MTBP: variants seen among roughly 807,000 people sequenced by gnomAD.
The protein encoded by MTBP is mdm2-binding protein.
Under a neutral mutation model 117.0 loss-of-function variants are expected in MTBP, and 101 were observed. The ratio of observed to expected loss-of-function variants is 0.86; its 90% confidence interval spans 0.73 to 1.02. MTBP has a LOEUF of 1.02. MTBP is among the 50% of genes least tolerant of loss of function. The probability of loss-of-function intolerance (pLI) is 0.00; values close to 1 mark genes in which losing one functional copy is unlikely to be tolerated. For synonymous variants in MTBP, 350 were observed against 351.5 expected (o/e 1.00, Z 0.05); for missense variants, 970 against 1,030.9 (o/e 0.94, Z 0.81).
intron 11 of MTBP, among the ~76,000 whole-genome samples, chr8:120,482,406 T>C (rs952223377): frequency 5.3e-5 from 8 of 152,204 alleles, no homozygotes; most frequent in African/African-American, 1.9e-4. Flanking sequence ...AGTAGCTTTT[T>C]GTTATTCGGT....
chr8:120,471,854 G>T (rs1813823191), intron 11 of MTBP: 1 of 152,032 alleles, frequency 6.6e-6, no homozygotes, highest in Non-Finnish European at 1.5e-5. Context: ...TTTCCACTCT[G>T]TTCCTCTAGT....
In MTBP at chr8:120,453,883, G is replaced by A. The variant is rs147445942; in HGVS notation, c.462G>A (p.Leu154=). 2.8e-4 allele frequency: 440 copies of A among 1,579,926 alleles called. 5 individuals are homozygous for A. In the African/African-American group the frequency reaches 4.9e-3, roughly 18 times the overall value. ...YEEAAENLHQ[L]SDKLPAPGRA... ...AAGCTGCAGAAAATTTGCATCAGCT[G>A]TCAGACAAGCTTCCTGCTCCTGGTA... Residue 154 remains leucine, a synonymous_variant, in exon 5 of 22, where the codon CTG becomes CTA. Transcript: ENST00000305949.
At chr8:120,459,425 T>A in intron 8 of MTBP, 76 bp downstream of exon 8, 1 of 1,366,418 alleles carries the variant, frequency 7.3e-7, no homozygotes, top group South Asian at 1.4e-5. Flanking sequence ...AATCTTGACT[T>A]AATATTACTA....
chr8:120,482,823 C>A (rs1274893157), intron 11 of MTBP, among the ~76,000 whole-genome samples: 1 of 151,882 alleles, frequency 6.6e-6, no homozygotes, highest in Non-Finnish European at 1.5e-5. Flanking sequence ...CCTCAGCCTC[C>A]CGAGTAGCTA....
intron 17 of MTBP, among the ~76,000 whole-genome samples, chr8:120,513,244 C>T (rs1225638367): frequency 2.0e-5 from 3 of 152,132 alleles, no homozygotes; most frequent in Middle Eastern, 3.4e-3. Flanking sequence ...TTGGCAGTTC[C>T]TTCTGCCTTA....
intron 17 of MTBP, among the ~76,000 whole-genome samples, chr8:120,510,255 T>C (rs929103963): frequency 2.6e-5 from 4 of 152,218 alleles, no homozygotes; most frequent in African/African-American, 9.6e-5. Flanking sequence ...TATTAGTTAC[T>C]ATATATTTTA....
chr8:120,480,844 G>T (rs946311643), intron 11 of MTBP, among the ~76,000 whole-genome samples: 1 of 152,052 alleles, frequency 6.6e-6, no homozygotes, highest in African/African-American at 2.4e-5. Context: ...AATTTATAAA[G>T]TAGAATTCAC....
intron 11 of MTBP, among the ~76,000 whole-genome samples, chr8:120,486,193 G>C (rs1382905136): frequency 6.6e-6 from 1 of 151,966 alleles, no homozygotes; most frequent in Non-Finnish European, 1.5e-5. Context: ...TCTTAATTAA[G>C]TGAACTACCA....
chr8:120,466,116 A>C (rs1450982698), intron 10 of MTBP, among the ~76,000 whole-genome samples: 4 of 151,796 alleles, frequency 2.6e-5, no homozygotes, highest in African/African-American at 9.7e-5. Flanking sequence ...AAAAGGGATT[A>C]TTTTTGAAGC....
At chr8:120,518,896 A>AT in intron 20 of MTBP, 79 bp downstream of exon 20, 1 of 951,196 alleles carries the variant, frequency 1.1e-6, no homozygotes, top group East Asian at 2.5e-5. Context: ...AAGTTTGAGT[A>AT]TTTTTTATAC....
At chr8:120,458,744 G>A (rs1427537687) in intron 7 of MTBP, among the ~76,000 whole-genome samples, 3 of 151,842 alleles carry the variant, frequency 2.0e-5, no homozygotes, top group Non-Finnish European at 4.4e-5. Context: ...AGGAGGCTGA[G>A]GCAGGAGAAT....
chr8:120,470,031 A>G (rs1472928195), intron 10 of MTBP, among the ~76,000 whole-genome samples: 1 of 152,204 alleles, frequency 6.6e-6, no homozygotes, highest in Non-Finnish European at 1.5e-5. Context: ...AAATTTTCCC[A>G]AAGTTTTAAA....
At chr8:120,456,759 T>C in intron 7 of MTBP, 89 bp downstream of exon 7, 1 of 757,566 alleles carries the variant, frequency 1.3e-6, no homozygotes, top group Non-Finnish European at 2.3e-6. Flanking sequence ...AAAATGTACC[T>C]TATAAAGATA....
intron 17 of MTBP, among the ~76,000 whole-genome samples, chr8:120,513,773 C>G (rs529943774): frequency 6.6e-6 from 1 of 152,126 alleles, no homozygotes; most frequent in Middle Eastern, 3.4e-3. Context: ...TCTTGCCAGA[C>G]TCTTGAAATT....
intron 11 of MTBP, among the ~76,000 whole-genome samples, chr8:120,479,916 T>C (rs933185929): frequency 1.3e-5 from 2 of 152,090 alleles, no homozygotes; most frequent in African/African-American, 4.8e-5. Context: ...TCAACCTCAG[T>C]AAGCAAGAAG....
intron 15 of MTBP, among the ~76,000 whole-genome samples, chr8:120,504,784 A>AT (rs1814658248): frequency 6.6e-6 from 1 of 150,614 alleles, no homozygotes; most frequent in Non-Finnish European, 1.5e-5. Flanking sequence ...TTTTAATTTG[A>AT]TTTTTTTCTT....
chr8:120,451,217 ATAAAAT>A lies in MTBP; in HGVS notation c.322_327del (p.Lys108_Ile109del), dbSNP rs1335243533. On this transcript the variant is annotated inframe_deletion, in exon 4 of 22. Coordinates refer to ENST00000305949, the MANE Select transcript of MTBP (RefSeq NM_022045.5). The stretch of plus-strand genomic sequence containing the variant: ...GAGATACATTTTGATACAGAAAAAG[ATAAAAT>A]TGAAGATGTTCTTCAAACGAATATC... 1 of 1,611,152 alleles carries A rather than the reference ATAAAAT, an allele frequency of 6.2e-7. No individual in the cohort carries two copies. The highest frequency in any genetic ancestry group is 8.5e-7 in the Non-Finnish European group (1 of 1,177,930).
intron 11 of MTBP, 105 bp downstream of exon 11, chr8:120,471,042 A>G (rs1813806219): frequency 9.2e-6 from 7 of 764,578 alleles, no homozygotes; most frequent in Admixed American, 2.6e-5. Context: ...AGGATTTCAT[A>G]TTATTGCTAC....
chr8:120,523,319 A>T lies in MTBP; in HGVS notation c.2698A>T (p.Lys900Ter). The change falls in exon 22 of 22, where the codon AAG becomes TAG. Residue 900 changes from lysine (K) to a stop codon, truncating the protein, a stop_gained. Coordinates refer to ENST00000305949, the MANE Select transcript of MTBP (RefSeq NM_022045.5). LOFTEE classifies it high-confidence loss of function. The part of the protein sequence containing the change: ...AVQVIDWVLE[K>*]TSKK ...CTAGGTGATTGACTGGGTATTAGAA[A>T]AGACAAGCAAGAAATGATACATAAT... is the stretch of plus-strand genomic sequence containing the variant. 1 of 1,555,696 alleles carries T rather than the reference A, an allele frequency of 6.4e-7. No homozygotes were observed. The highest frequency in any genetic ancestry group is 8.7e-7 in the Non-Finnish European group (1 of 1,143,384).
Sources: gnomAD v4.1 joint callset for allele counts (sites outside exome capture counted in the v4.1 genomes callset) on GRCh38, gnomAD v4.1.1 for gene constraint, MANE v1.5 for transcripts, NCBI Gene and HGNC (gene_info 2026-07-23, HGNC 2026-07-21) for gene names.